ACSL3: variants seen among roughly 807,000 people sequenced by gnomAD.
ACSL3 encodes the protein fatty acid CoA ligase Acsl3.
In ACSL3, 34 loss-of-function variants were observed where a neutral mutation model predicts 84.7. That is an observed-to-expected ratio of 0.40 (90% CI 0.31 to 0.53). ACSL3 has a LOEUF of 0.53. ACSL3 is among the 20% of genes least tolerant of loss of function. The probability of loss-of-function intolerance (pLI) is 0.48; values close to 1 mark genes in which losing one functional copy is unlikely to be tolerated. For synonymous variants in ACSL3, 315 were observed against 299.4 expected (o/e 1.05, Z -0.54); for missense variants, 680 against 873.1 (o/e 0.78, Z 2.79).
At chr2:222,924,789 C>T (rs1367781356) in intron 11 of ACSL3, among the ~76,000 whole-genome samples, 194 bp downstream of exon 11, 4 of 151,960 alleles carry the variant, frequency 2.6e-5, no homozygotes. Flanking sequence ...TTTGGGAGGC[C>T]GAGGCAGGTG....
chr2:222,888,791 G>A (rs1177625817), intron 2 of ACSL3, among the ~76,000 whole-genome samples: 1 of 152,142 alleles, frequency 6.6e-6, no homozygotes, highest in Non-Finnish European at 1.5e-5. Flanking sequence ...GCGACGCTTT[G>A]TTTGCGTATC....
intron 2 of ACSL3, 98 bp downstream of exon 2, chr2:222,887,986 G>A (rs913038279): frequency 2.6e-5 from 4 of 152,042 alleles, no homozygotes; most frequent in Admixed American, 6.6e-5. Context: ...CCAAAAAATT[G>A]TAATTCTCAT....
At chr2:222,923,937 T>G (rs773008064) in intron 10 of ACSL3, among the ~76,000 whole-genome samples, 1 of 152,160 alleles carries the variant, frequency 6.6e-6, no homozygotes, top group Non-Finnish European at 1.5e-5. Flanking sequence ...GCAAGCAAAA[T>G]GCAGCACAGA....
At chr2:222,938,441 T>C (rs1303859384) in intron 16 of ACSL3, among the ~76,000 whole-genome samples, 1 of 152,186 alleles carries the variant, frequency 6.6e-6, no homozygotes, top group African/African-American at 2.4e-5. Flanking sequence ...GTATTCTTGG[T>C]TGACAATTTT....
chr2:222,888,839 A>G (rs1201778855), intron 2 of ACSL3, among the ~76,000 whole-genome samples: 6 of 152,170 alleles, frequency 3.9e-5, no homozygotes, highest in Non-Finnish European at 5.9e-5. Context: ...ATGTGATGGA[A>G]AAAGGAATAT....
chr2:222,920,945 C>T (rs1204607061), intron 7 of ACSL3: 3 of 486,160 alleles, frequency 6.2e-6, no homozygotes, highest in Middle Eastern at 3.1e-4. Flanking sequence ...TTCCATGGCT[C>T]CCTTCCTCAC....
At chr2:222,931,256 C>T (rs1478653866) in intron 14 of ACSL3, among the ~76,000 whole-genome samples, 4 of 151,852 alleles carry the variant, frequency 2.6e-5, no homozygotes, top group African/African-American at 7.3e-5. Flanking sequence ...AATGGCATTT[C>T]AGTTAGCCGT....
intron 2 of ACSL3, among the ~76,000 whole-genome samples, chr2:222,898,683 C>G (rs888947328): frequency 6.6e-6 from 1 of 152,106 alleles, no homozygotes; most frequent in African/African-American, 2.4e-5. Flanking sequence ...CAAAATTAGC[C>G]GGGCGCAGTG....
chr2:222,883,902 C>A (rs1171068408), intron 1 of ACSL3, among the ~76,000 whole-genome samples: 1 of 152,072 alleles, frequency 6.6e-6, no homozygotes, highest in Admixed American at 6.5e-5. Context: ...TTTCAAAGAA[C>A]TTTTTCTTAT....
chr2:222,866,036 A>C (rs1271974527), intron 1 of ACSL3, among the ~76,000 whole-genome samples: 1 of 152,148 alleles, frequency 6.6e-6, no homozygotes, highest in Non-Finnish European at 1.5e-5. Context: ...TACAAAGCCT[A>C]GTTTTTGTTT....
chr2:222,880,596 A>G (rs543345916), intron 1 of ACSL3, among the ~76,000 whole-genome samples: 4 of 152,086 alleles, frequency 2.6e-5, no homozygotes, highest in Non-Finnish European at 5.9e-5. Flanking sequence ...TGGGAGGCCA[A>G]GGTGGGCGGA....
At chr2:222,921,093 A>G in intron 7 of ACSL3, 187 bp from the exon 8 acceptor site, 2 of 712,238 alleles carry the variant, frequency 2.8e-6, no homozygotes, top group South Asian at 1.5e-5. Flanking sequence ...ATATCTCAAT[A>G]GAATATATCT....
intron 11 of ACSL3, among the ~76,000 whole-genome samples, chr2:222,925,726 A>C (rs1329512238): frequency 6.6e-6 from 1 of 152,220 alleles, no homozygotes; most frequent in East Asian, 1.9e-4. Context: ...GTGAACACTT[A>C]GGGAGTTTTA....
In ACSL3 at chr2:222,892,840, G is replaced by T. The variant is rs150228365; in HGVS notation, c.-148+4952G>T. ...ATTGGGTTTTGTGAGAATTAAATGA[G>T]ATAACATAAAAAGTTCCCTTCACTG... is the stretch of plus-strand genomic sequence containing the variant. On this transcript the variant is annotated intron_variant, in intron 2 of 16. Transcript: ENST00000357430. 3.3e-5 allele frequency among the ~76,000 whole-genome samples: 5 copies of T among 152,218 alleles called. No homozygotes were observed. In the East Asian group the frequency reaches 9.6e-4, roughly 29 times the overall value.
At chr2:222,919,414 G>T in intron 7 of ACSL3, 1 of 396,930 alleles carries the variant, frequency 2.5e-6, no homozygotes. Context: ...TGTTTTAAAG[G>T]TAGTATTTAT....
At chr2:222,885,740 A>C (rs1199323657) in intron 1 of ACSL3, among the ~76,000 whole-genome samples, 1 of 151,458 alleles carries the variant, frequency 6.6e-6, no homozygotes, top group Admixed American at 6.6e-5. Flanking sequence ...ATCTGAGTTT[A>C]AGGTCTGTCC....
In ACSL3 at chr2:222,916,346, T is replaced by A. The variant is rs754613868; in HGVS notation, c.406T>A (p.Ser136Thr). The A allele has an allele frequency of 4.6e-5, 74 of 1,613,164 alleles. No individual in the cohort carries two copies. The highest frequency in any genetic ancestry group is 4.4e-4 in the South Asian group (40 of 90,938). The change falls in exon 5 of 17, where the codon TCC becomes ACC. Residue 136 changes from serine to threonine, a missense_variant. Transcript: ENST00000357430. ...KVILGQYNWL[S>T]YEDVFVRAFN... ...TATTCTTGGACAGTATAATTGGCTT[T>A]CCTATGAAGATGTCTTTGTTCGAGC...
At chr2:222,926,407 T>C (rs991747411) in intron 11 of ACSL3, among the ~76,000 whole-genome samples, 5 of 152,204 alleles carry the variant, frequency 3.3e-5, no homozygotes, top group African/African-American at 1.2e-4. Context: ...GCAAAGATTT[T>C]TTTTTTTAAG....
In ACSL3 at chr2:222,869,423, C is replaced by T. The variant is rs539515365; in HGVS notation, c.-207+8165C>T. Among the ~76,000 whole-genome samples, 127 of 152,180 alleles carry T rather than the reference C, an allele frequency of 8.3e-4. 1 individual carries two copies. The highest frequency in any genetic ancestry group is 2.9e-3 in the African/African-American group (120 of 41,510). ...GTATATTCTTTCTTCCTCTTTATCC[C>T]TTCTCTGCCCTTCACAAGTAGTTTT... On this transcript the variant is annotated intron_variant, in intron 1 of 16. Transcript: ENST00000357430.
Sources: gnomAD v4.1 joint callset for allele counts (sites outside exome capture counted in the v4.1 genomes callset) on GRCh38, gnomAD v4.1.1 for gene constraint, MANE v1.5 for transcripts, NCBI Gene and HGNC (gene_info 2026-07-23, HGNC 2026-07-21) for gene names.